ZEB2: variants seen among roughly 807,000 people sequenced by gnomAD.
The protein encoded by ZEB2 is zinc finger E-box-binding homeobox 2.
ZEB2 carries 6 observed loss-of-function variants against 99.9 expected under a neutral mutation model. That is an observed-to-expected ratio of 0.06 (90% CI 0.03 to 0.12). ZEB2 has a LOEUF of 0.12. Ranked by LOEUF, ZEB2 falls within the 10% of genes least tolerant of loss-of-function variation. The pLI is 1.00. For missense variants in ZEB2, 969 were observed against 1,502.8 expected (o/e 0.64, Z 5.87); for synonymous variants, 517 against 542.5 (o/e 0.95, Z 0.65).
intron 2 of ZEB2, among the ~76,000 whole-genome samples, chr2:144,433,391 A>G (rs900808775): frequency 6.6e-6 from 1 of 152,204 alleles, no homozygotes; most frequent in African/African-American, 2.4e-5. Flanking sequence ...GAAATTTGCC[A>G]TGTGATACTA....
In ZEB2 at chr2:144,398,905, G is replaced by T; in HGVS notation, c.2282C>A (p.Thr761Lys). Reference sequence around the variant, plus strand: ...AATATTGGTAAAATGGGAAGGTTTTGTTAGCCTGAGAGGAGGATCACAATT... The same window carrying T: ...AATATTGGTAAAATGGGAAGGTTTTTTTAGCCTGAGAGGAGGATCACAATT... ...VTNCDPPLRL[T>K]KPSHFTNIKP... The change falls in exon 8 of 10, where the codon ACA (threonine) becomes AAA (lysine). Residue 761 changes from threonine (T) to lysine (K), a missense_variant. Transcript: ENST00000627532. 6.2e-7 allele frequency: 1 copy of T among 1,614,168 alleles called. No homozygotes were observed. The highest frequency in any genetic ancestry group is 8.5e-7 in the Non-Finnish European group (1 of 1,180,026).
At chr2:144,401,084 T>A in intron 7 of ZEB2, 115 bp downstream of exon 7, 1 of 932,664 alleles carries the variant, frequency 1.1e-6, no homozygotes, top group Admixed American at 1.9e-5. Context: ...GTTGATGAAA[T>A]AAATAGATAG....
intron 9 of ZEB2, among the ~76,000 whole-genome samples, chr2:144,395,123 G>A (rs931093434): frequency 2.0e-5 from 3 of 149,808 alleles, no homozygotes; most frequent in Non-Finnish European, 4.4e-5. Context: ...AGCCTCCCAA[G>A]TAGCTGGGAC....
intron 2 of ZEB2, among the ~76,000 whole-genome samples, chr2:144,444,184 A>C (rs1487209979): frequency 6.6e-6 from 1 of 152,204 alleles, no homozygotes; most frequent in Non-Finnish European, 1.5e-5. Flanking sequence ...GACTTTGATG[A>C]CATCTATAAC....
At chr2:144,517,555 G>GCCCC in intron 1 of ZEB2, 136 bp from the exon 2 acceptor site, 1 of 676,194 alleles carries the variant, frequency 1.5e-6, no homozygotes, top group Non-Finnish European at 2.7e-6. Context: ...AACTTCGGCG[G>GCCCC]CCCCCTCCCC....
intron 4 of ZEB2, among the ~76,000 whole-genome samples, chr2:144,411,187 A>G (rs1703460640): frequency 6.7e-6 from 1 of 149,656 alleles, no homozygotes; most frequent in Admixed American, 6.7e-5. Flanking sequence ...AACATAAATT[A>G]TGTATTTATC....
intron 1 of ZEB2, 82 bp from the exon 2 acceptor site, chr2:144,517,501 G>A: frequency 4.3e-6 from 4 of 925,438 alleles, no homozygotes; most frequent in South Asian, 4.1e-5. Flanking sequence ...AGCCGGGCCA[G>A]GGCCCCGGCG....
At chr2:144,458,594 C>G (rs1009035065) in intron 2 of ZEB2, among the ~76,000 whole-genome samples, 1 of 152,026 alleles carries the variant, frequency 6.6e-6, no homozygotes. Flanking sequence ...ACAAGAGATA[C>G]TTCAATTTTC....
At chr2:144,438,498 G>C (rs907537317) in intron 2 of ZEB2, among the ~76,000 whole-genome samples, 9 of 152,274 alleles carry the variant, frequency 5.9e-5, no homozygotes, top group African/African-American at 1.9e-4. Flanking sequence ...GCTTGTGGTA[G>C]AGGTTTCATC....
At position 144,424,824 on chromosome 2, in the gene ZEB2, C is replaced by T. The variant is rs138389836; in HGVS notation, c.375G>A (p.Thr125=). The change falls in exon 4 of 10, where the codon ACG becomes ACA. Residue 125 remains threonine, a synonymous_variant. Coordinates refer to ENST00000627532, the MANE Select transcript of ZEB2 (RefSeq NM_014795.4). ...TACCATTGTTAATTGCGGTCTGGAT[C>T]GTGGCTTCTGGCCCCATAGTGTCAT... is the stretch of plus-strand genomic sequence containing the variant. ...EDYDTMGPEA[T]IQTAINNGTV... 30 of 1,614,036 alleles carry T rather than the reference C, an allele frequency of 1.9e-5. No homozygotes were observed. In the East Asian group the frequency reaches 6.0e-4, roughly 32 times the overall value.
chr2:144,497,896 TC>T lies in ZEB2; in HGVS notation c.73+19381del, dbSNP rs1329800881. Reference sequence around the variant, plus strand: ...GTCATTCTCAACATATATATATATGTCATTCTCAACATATATATTATATATT... The same window carrying T: ...GTCATTCTCAACATATATATATATGTATTCTCAACATATATATTATATATT... On this transcript the variant is annotated intron_variant, in intron 2 of 9. Transcript: ENST00000627532. 7 of 41,226 alleles carry T rather than the reference TC, an allele frequency of 1.7e-4. 1 individual carries two copies. Among genetic ancestry groups the T allele is most frequent in the African/African-American group, 6.3e-4 (6 of 9,542 alleles). 2.6% of individuals were successfully genotyped at this position (41,226 alleles called of 1,614,324 possible). A position where few individuals can be genotyped will look rare whatever the true frequency, so the allele number is the denominator to read the frequency against.
chr2:144,431,938 G>T (rs148307067), intron 2 of ZEB2, among the ~76,000 whole-genome samples: 2,741 of 150,218 alleles, frequency 0.018, 44 homozygotes, highest in Non-Finnish European at 0.028. Context: ...ATAAAGAAAG[G>T]TCCAGAAGGA....
intron 2 of ZEB2, chr2:144,511,297 G>A (rs1325050072): frequency 7.7e-5 from 61 of 791,168 alleles, no homozygotes; most frequent in Non-Finnish European, 9.2e-5. Flanking sequence ...AAAGATACAC[G>A]CATGGATGGC....
intron 2 of ZEB2, among the ~76,000 whole-genome samples, chr2:144,457,877 T>A (rs1370023938): frequency 6.6e-6 from 1 of 152,186 alleles, no homozygotes; most frequent in Non-Finnish European, 1.5e-5. Flanking sequence ...TACTTTTTTG[T>A]TGACATTTTG....
At chr2:144,455,378 T>C (rs1185226237) in intron 2 of ZEB2, among the ~76,000 whole-genome samples, 1 of 152,210 alleles carries the variant, frequency 6.6e-6, no homozygotes, top group Non-Finnish European at 1.5e-5. Flanking sequence ...TTTGAATTTA[T>C]AGCACTGCAG....
chr2:144,407,215 G>A (rs1703399645), intron 4 of ZEB2, among the ~76,000 whole-genome samples: 1 of 152,166 alleles, frequency 6.6e-6, no homozygotes, highest in Non-Finnish European at 1.5e-5. Flanking sequence ...TTTTGCCTCT[G>A]TAACTTCTAA....
intron 2 of ZEB2, chr2:144,507,407 C>G (rs1263114780): frequency 6.6e-6 from 1 of 152,196 alleles, no homozygotes; most frequent in South Asian, 2.1e-4. Flanking sequence ...AGCTCCGTAT[C>G]GTCTTCTAGT....
intron 2 of ZEB2, among the ~76,000 whole-genome samples, chr2:144,499,764 G>A (rs759927181): frequency 1.3e-5 from 2 of 152,042 alleles, no homozygotes; most frequent in African/African-American, 4.8e-5. Flanking sequence ...TTATTGATGG[G>A]AGCATTTCAC....
chr2:144,471,011 G>T (rs970612456), intron 2 of ZEB2, among the ~76,000 whole-genome samples: 1 of 152,060 alleles, frequency 6.6e-6, no homozygotes, highest in African/African-American at 2.4e-5. Flanking sequence ...AGAAAATAAG[G>T]ATGTGTCTCA....
Sources: allele counts gnomAD v4.1 joint callset (sites outside exome capture counted in the v4.1 genomes callset), GRCh38; gene constraint gnomAD v4.1.1; transcripts MANE v1.5; gene names NCBI Gene and HGNC (gene_info 2026-07-23, HGNC 2026-07-21).